CDH26: variants seen among roughly 807,000 people sequenced by gnomAD.
CDH26 encodes the protein cadherin 26.
Under a neutral mutation model 90.3 loss-of-function variants are expected in CDH26, and 83 were observed. That is an observed-to-expected ratio of 0.92 (90% CI 0.77 to 1.10). The LOEUF is 1.10. CDH26 is among the 50% of genes least tolerant of loss of function. The pLI is 0.00. For synonymous variants in CDH26, 397 were observed against 396.3 expected, an observed-to-expected ratio of 1.00 and a Z score of -0.02; for missense variants, 1,013 against 1,037.6, an observed-to-expected ratio of 0.98 and a Z score of 0.33.
rs1483546872 is a variant in CDH26, at chr20:59,987,647, A to G, written c.1023+9A>G. ...TATTAAATGTTATCAAGGTAACACC[A>G]TACCGGTGACATACCAACCAGTTAG... On this transcript the variant is annotated intron_variant, in intron 8 of 17. Transcript: ENST00000348616. The G allele has an allele frequency of 6.3e-7, 1 of 1,597,814 alleles. No individual in the cohort carries two copies. The highest frequency in any genetic ancestry group is 8.5e-7 in the Non-Finnish European group (1 of 1,171,094).
intron 1 of CDH26, among the ~76,000 whole-genome samples, chr20:59,964,025 A>G (rs1295492508): frequency 6.6e-6 from 1 of 152,208 alleles, no homozygotes; most frequent in Non-Finnish European, 1.5e-5. Flanking sequence ...GCTAGTCATT[A>G]CTTGTCACTG....
intron 17 of CDH26, 81 bp from the exon 18 acceptor site, chr20:60,012,446 T>G (rs942153810): frequency 7.4e-6 from 10 of 1,346,548 alleles, no homozygotes; most frequent in Admixed American, 2.0e-5. Context: ...CATTGATGTG[T>G]TCCTCGAATC....
At chr20:60,003,468 T>G (rs1189117703) in intron 16 of CDH26, among the ~76,000 whole-genome samples, 1 of 152,222 alleles carries the variant, frequency 6.6e-6, no homozygotes. Flanking sequence ...AAACTGGTTT[T>G]TAAAGTATCA....
chr20:59,963,959 C>T (rs963115014), intron 1 of CDH26, among the ~76,000 whole-genome samples: 2 of 152,102 alleles, frequency 1.3e-5, no homozygotes, highest in Admixed American at 6.5e-5. Context: ...GCTGAGGACT[C>T]GTCGGCTCTC....
Position 60,006,380 on chromosome 20 carries a change from G to A in CDH26, c.2221-333G>A, listed in dbSNP as rs189274188. Reference sequence around the variant, plus strand: ...CAGAGGAAGAGAAGCCAAAATGAGCGAGGAGGGGCAGTGTAGTTGAGGGGG... The same window carrying A: ...CAGAGGAAGAGAAGCCAAAATGAGCAAGGAGGGGCAGTGTAGTTGAGGGGG... On this transcript the variant is annotated intron_variant, in intron 16 of 17. Coordinates refer to ENST00000348616, the MANE Select transcript of CDH26 (RefSeq NM_177980.4). Among the ~76,000 whole-genome samples, 902 of 152,174 alleles carry A rather than the reference G, an allele frequency of 5.9e-3. 3 individuals carry two copies. Among genetic ancestry groups the A allele is most frequent in the Non-Finnish European group, 9.9e-3 (673 of 67,934 alleles).
chr20:59,985,050 C>T lies in CDH26; in HGVS notation c.758C>T (p.Pro253Leu), dbSNP rs375993562. 69 of 1,613,822 alleles carry T rather than the reference C, an allele frequency of 4.3e-5. No homozygotes were observed. The highest frequency in any genetic ancestry group is 5.3e-5 in the Non-Finnish European group (63 of 1,179,926). Residue 253 changes from proline (P) to leucine (L), a missense_variant, in exon 7 of 18, where the codon CCG (proline) becomes CTG (leucine). By Grantham distance (98) the Pro-to-Leu change is moderately conservative. Coordinates refer to ENST00000348616, the MANE Select transcript of CDH26 (RefSeq NM_177980.4). ...LLIRARDCGE[P>L]SLSSTTTVHV... ...ATCAGAGCCAGGGACTGTGGAGAACCGTCACTGTCATCCACGACCACCGTT... is the reference window on the plus strand; with the variant it reads ...ATCAGAGCCAGGGACTGTGGAGAACTGTCACTGTCATCCACGACCACCGTT...
chr20:60,002,895 A>T, intron 16 of CDH26, 29 bp downstream of exon 16: 1 of 1,485,292 alleles, frequency 6.7e-7, no homozygotes, highest in Non-Finnish European at 9.1e-7. Flanking sequence ...GTTACCGTGA[A>T]CAAATTTACC....
chr20:60,012,477 G>C, intron 17 of CDH26, 50 bp from the exon 18 acceptor site: 2 of 1,548,518 alleles, frequency 1.3e-6, no homozygotes, highest in Non-Finnish European at 1.8e-6. Context: ...AAATGAGCTG[G>C]GTATGGAAGC....
rs146634305 is a variant in CDH26 at position 60,027,965 on chromosome 20, A to G, written c.948-3266A>G. On this transcript the variant is annotated intron_variant, in intron 7 of 8. Coordinates refer to the CDH26 transcript ENST00000370991. ...CTTCACTCGGTTTTCTCTCAGGGTA[A>G]CATCTGACCAGACAACTGGACAGTA... is the stretch of plus-strand genomic sequence containing the variant. Among the ~76,000 whole-genome samples the G allele has an allele frequency of 4.5e-3, 682 of 152,364 alleles. 3 individuals are homozygous for G. Among genetic ancestry groups the G allele is most frequent in the Non-Finnish European group, 7.0e-3 (477 of 68,028 alleles).
Position 59,968,966 on chromosome 20 carries a change from G to A in CDH26, c.70-1G>A, listed in dbSNP as rs191661244. 4 of 1,524,530 alleles carry A rather than the reference G, an allele frequency of 2.6e-6. No homozygotes were observed. 94.4% of individuals were successfully genotyped at this position (1,524,530 alleles called of 1,614,324 possible). ...TAATTAATATTATTTTTATTTTTAAGGTCAGTATCATTGACAGTGTTCAAC... is the reference window on the plus strand; with the variant it reads ...TAATTAATATTATTTTTATTTTTAAAGTCAGTATCATTGACAGTGTTCAAC... On this transcript the variant is annotated splice_acceptor_variant, in intron 1 of 17. Coordinates refer to ENST00000348616, the MANE Select transcript of CDH26 (RefSeq NM_177980.4). LOFTEE classifies it high-confidence loss of function.
At chr20:60,005,478 C>CTGTATGTATGTATGTA (rs35310546) in intron 16 of CDH26, among the ~76,000 whole-genome samples, 7 of 147,712 alleles carry the variant, frequency 4.7e-5, no homozygotes, top group African/African-American at 1.8e-4. Flanking sequence ...GTGTATATAT[C>CTGTATGTATGTATGTA]TGTATGTATG....
In CDH26 at chr20:60,002,857, C is replaced by G; in HGVS notation, c.2211C>G (p.His737Gln). 2.5e-6 allele frequency: 4 copies of G among 1,593,796 alleles called. No individual in the cohort carries two copies. Among genetic ancestry groups the G allele is most frequent in the Non-Finnish European group, 3.4e-6 (4 of 1,167,170 alleles). Residue 737 changes from histidine to glutamine, a missense_variant, in exon 16 of 18, where the codon CAC becomes CAG. By Grantham distance (24) the His-to-Gln change is conservative. Transcript: ENST00000348616. The part of the protein sequence containing the change: ...PFEPRSVKNI[H>Q]STPAYPDATM... The stretch of plus-strand genomic sequence containing the variant: ...AGCCAAGAAGTGTGAAAAACATACA[C>G]TCTACTCCTGTAAGTATAGATGTAG...
Position 59,987,479 on chromosome 20 carries a change from A to C in CDH26, c.864A>C (p.Arg288=). 1.2e-6 allele frequency: 2 copies of C among 1,612,708 alleles called. No individual in the cohort carries two copies. The highest frequency in any genetic ancestry group is 1.7e-6 in the Non-Finnish European group (2 of 1,179,478). ...ATAAGGTTCAGATTCCTGAAGGCCG[A>C]GCCAGCCAGGGCGTGTTGCGTCTCC... ...ENYKVQIPEG[R]ASQGVLRLLV... Residue 288 remains arginine, a synonymous_variant, in exon 8 of 18, where the codon CGA becomes CGC. Coordinates refer to ENST00000348616, the MANE Select transcript of CDH26 (RefSeq NM_177980.4).
In CDH26 at chr20:59,994,238, T is replaced by C; in HGVS notation, c.1427-12T>C. ...GAGATAAACAACTCCTGAAACTTCC[T>C]CCCCATACAAGGCTTCCCACCGCAG... On this transcript the variant is annotated splice_polypyrimidine_tract_variant and intron_variant, in intron 10 of 17. Coordinates refer to ENST00000348616, the MANE Select transcript of CDH26 (RefSeq NM_177980.4). 1 of 1,613,566 alleles carries C rather than the reference T, an allele frequency of 6.2e-7. No individual in the cohort carries two copies. Among genetic ancestry groups the C allele is most frequent in the South Asian group, 1.1e-5 (1 of 91,030 alleles).
At chr20:59,967,813 A>ATTTATTTATTTC (rs1337342795) in intron 1 of CDH26, among the ~76,000 whole-genome samples, 1 of 43,990 alleles carries the variant, frequency 2.3e-5, no homozygotes, top group Non-Finnish European at 4.3e-5. Context: ...TCCCTCCCTC[A>ATTTATTTATTTC]TTTCTTTCTT....
At position 60,012,859 on chromosome 20, in the gene CDH26, C is replaced by T. The variant is rs1601209686; in HGVS notation, c.*129C>T. 2 of 786,842 alleles carry T rather than the reference C, an allele frequency of 2.5e-6. No individual in the cohort carries two copies. Among genetic ancestry groups the T allele is most frequent in the East Asian group, 5.4e-5 (2 of 37,192 alleles). The allele number at this position is 786,842 out of a possible 1,614,324, so 48.7% of individuals were successfully genotyped here. A position where few individuals can be genotyped will look rare whatever the true frequency, so the allele number is the denominator to read the frequency against. Reference sequence around the variant, plus strand: ...ACCTTCTAGTCCTAGGATGAGGACACACTATTAGTTTGAATTAAATGCTTT... The same window carrying T: ...ACCTTCTAGTCCTAGGATGAGGACATACTATTAGTTTGAATTAAATGCTTT... On this transcript the variant is annotated 3_prime_UTR_variant, in exon 18 of 18. Coordinates refer to ENST00000348616, the MANE Select transcript of CDH26 (RefSeq NM_177980.4).
At chr20:60,034,878 C>T (rs2122805997), downstream of CDH26, among the ~76,000 whole-genome samples, 1 of 152,316 alleles carries the variant, frequency 6.6e-6, no homozygotes, top group South Asian at 2.1e-4. Flanking sequence ...GTGGGGAAGG[C>T]CAGTGGCTCA....
At position 59,983,161 on chromosome 20, in the gene CDH26, T is replaced by C. The variant is rs1005798860; in HGVS notation, c.541+91T>C. ...GATGAGGAGCTTGATCCTAGTCATC[T>C]TCAGGGAGAGTTTTTACTGTTCACA... On this transcript the variant is annotated intron_variant, in intron 5 of 17. Coordinates refer to ENST00000348616, the MANE Select transcript of CDH26 (RefSeq NM_177980.4). 1.8e-5 allele frequency: 26 copies of C among 1,451,060 alleles called. 1 individual carries two copies. In the East Asian group the frequency reaches 2.5e-4, roughly 14 times the overall value. The allele number at this position is 1,451,060 out of a possible 1,614,324, so 89.9% of individuals were successfully genotyped here. A position where few individuals can be genotyped will look rare whatever the true frequency, so the allele number is the denominator to read the frequency against.
chr20:60,014,544 C>G (rs2061888765), downstream of CDH26: 2 of 152,142 alleles, frequency 1.3e-5, no homozygotes, highest in South Asian at 2.1e-4. Flanking sequence ...TGTGTGAGGA[C>G]ATGTGATTTT....
Sources: gnomAD v4.1 joint callset for allele counts (sites outside exome capture counted in the v4.1 genomes callset) on GRCh38, gnomAD v4.1.1 for gene constraint, MANE v1.5 for transcripts, NCBI Gene and HGNC (gene_info 2026-07-23, HGNC 2026-07-21) for gene names.